Variants in BCKDHB observed in about 807,000 individuals in gnomAD.
BCKDHB encodes the protein 2-oxoisovalerate dehydrogenase subunit beta, mitochondrial.
BCKDHB carries 41 observed loss-of-function variants against 48.5 expected under a neutral mutation model. The observed-to-expected ratio is 0.85, with a 90% confidence interval of 0.66 to 1.10. The LOEUF (loss-of-function observed/expected upper bound fraction) is 1.10. BCKDHB is among the 50% of genes least tolerant of loss of function. BCKDHB has a pLI of 0.00. For missense variants in BCKDHB, 496 were observed against 494.2 expected, an observed-to-expected ratio of 1.00 and a Z score of -0.03; for synonymous variants, 201 against 174.8, an observed-to-expected ratio of 1.15 and a Z score of -1.18.
At chr6:80,215,954 A>G (rs1775153109) in intron 8 of BCKDHB, among the ~76,000 whole-genome samples, 1 of 152,042 alleles carries the variant, frequency 6.6e-6, no homozygotes, top group African/African-American at 2.4e-5. Context: ...GTTGGCCAGG[A>G]TGGTCTTGAT....
the BCKDHB span, among the ~76,000 whole-genome samples, chr6:80,413,804 G>T: frequency 6.6e-6 from 1 of 152,186 alleles, no homozygotes; most frequent in Non-Finnish European, 1.5e-5. Flanking sequence ...TATTCCTTGA[G>T]AGTATATACC....
chr6:80,163,064 A>G (rs1344886148), intron 3 of BCKDHB, among the ~76,000 whole-genome samples: 1 of 151,902 alleles, frequency 6.6e-6, no homozygotes, highest in Non-Finnish European at 1.5e-5. Flanking sequence ...CTGGGACTAC[A>G]GGCACGTGCC....
chr6:80,273,253 T>C, intron 9 of BCKDHB, 32 bp downstream of exon 9: 2 of 1,529,384 alleles, frequency 1.3e-6, no homozygotes, highest in Non-Finnish European at 1.8e-6. Flanking sequence ...ATTTCAATGC[T>C]TGTGCAATTC....
chr6:80,213,283 A>T (rs1484285647), intron 8 of BCKDHB, among the ~76,000 whole-genome samples: 1 of 152,156 alleles, frequency 6.6e-6, no homozygotes, highest in East Asian at 1.9e-4. Flanking sequence ...GACTTTTCTT[A>T]ATGGTTGTCT....
At chr6:80,204,017 G>A (rs1222942345) in intron 8 of BCKDHB, among the ~76,000 whole-genome samples, 3 of 152,014 alleles carry the variant, frequency 2.0e-5, no homozygotes, top group South Asian at 2.1e-4. Context: ...ATATATGTAC[G>A]ATTAATAGAT....
At chr6:80,321,704 T>C (rs1199053835) in intron 9 of BCKDHB, among the ~76,000 whole-genome samples, 2 of 152,242 alleles carry the variant, frequency 1.3e-5, no homozygotes, top group African/African-American at 2.4e-5. Flanking sequence ...GTTTTAAGTG[T>C]ATCCCAACTA....
the BCKDHB span, among the ~76,000 whole-genome samples, chr6:80,364,551 A>T: frequency 6.6e-6 from 1 of 152,214 alleles, no homozygotes; most frequent in Non-Finnish European, 1.5e-5. Context: ...AAACGTATTC[A>T]TTAGTCTATT....
the BCKDHB span, among the ~76,000 whole-genome samples, chr6:80,388,804 G>A: frequency 6.6e-6 from 1 of 152,162 alleles, no homozygotes; most frequent in South Asian, 2.1e-4. Context: ...AGCTGAAAGT[G>A]GACAGCTGCA....
intron 3 of BCKDHB, among the ~76,000 whole-genome samples, chr6:80,146,280 A>G (rs1012870045): frequency 1.1e-4 from 17 of 152,196 alleles, no homozygotes; most frequent in African/African-American, 3.9e-4. Context: ...GCAAAATTAC[A>G]TGGAAGTAAA....
intron 8 of BCKDHB, among the ~76,000 whole-genome samples, chr6:80,269,973 G>A (rs1222137507): frequency 1.3e-5 from 2 of 152,022 alleles, no homozygotes; most frequent in Admixed American, 6.6e-5. Flanking sequence ...ACAAAAATAT[G>A]TACTTTAATC....
chr6:80,452,073 C>G, the BCKDHB span, among the ~76,000 whole-genome samples: 1 of 152,188 alleles, frequency 6.6e-6, no homozygotes, highest in African/African-American at 2.4e-5. Flanking sequence ...TTCTTCTGAA[C>G]CCCAGGTTGC....
At chr6:80,341,263 A>G (rs1391429659) in intron 9 of BCKDHB, among the ~76,000 whole-genome samples, 2 of 152,230 alleles carry the variant, frequency 1.3e-5, no homozygotes, top group African/African-American at 4.8e-5. Flanking sequence ...AAAATCACAA[A>G]TTTATGTAAC....
intron 8 of BCKDHB, among the ~76,000 whole-genome samples, chr6:80,221,914 G>A (rs1279053828): frequency 6.6e-6 from 1 of 152,100 alleles, no homozygotes; most frequent in Non-Finnish European, 1.5e-5. Flanking sequence ...TCCTAAAACA[G>A]TGTATCCTTC....
At chr6:80,348,185 A>T (rs990678554), downstream of BCKDHB, among the ~76,000 whole-genome samples, 2 of 151,874 alleles carry the variant, frequency 1.3e-5, no homozygotes, top group Admixed American at 6.6e-5. Flanking sequence ...ACAAGGTGTT[A>T]TATAGCTAAC....
intron 8 of BCKDHB, among the ~76,000 whole-genome samples, chr6:80,260,138 C>T (rs537189797): frequency 4.6e-5 from 7 of 152,182 alleles, no homozygotes; most frequent in South Asian, 2.1e-4. Context: ...CCACTCTCAC[C>T]GCTAGTTGCC....
chr6:80,254,352 G>A (rs147712203), intron 8 of BCKDHB, among the ~76,000 whole-genome samples: 1,908 of 152,120 alleles, frequency 0.013, 34 homozygotes, highest in African/African-American at 0.044. Flanking sequence ...TATGAAGTGT[G>A]ATTGTAATGT....
chr6:80,171,698 G>A (rs998272985), intron 6 of BCKDHB, among the ~76,000 whole-genome samples: 1 of 152,072 alleles, frequency 6.6e-6, no homozygotes, highest in African/African-American at 2.4e-5. Flanking sequence ...AAGTAAATGA[G>A]CTCATTTTAC....
chr6:80,187,648 G>A (rs1343045968), intron 6 of BCKDHB, among the ~76,000 whole-genome samples: 1 of 151,906 alleles, frequency 6.6e-6, no homozygotes, highest in Non-Finnish European at 1.5e-5. Context: ...ACAACCCCAA[G>A]CAAAAAAGTG....
chr6:80,259,666 A>C (rs1777208033), intron 8 of BCKDHB, among the ~76,000 whole-genome samples: 1 of 152,222 alleles, frequency 6.6e-6, no homozygotes, highest in Non-Finnish European at 1.5e-5. Context: ...TGATACCCTA[A>C]CATGTTTCTT....
Sources: allele counts gnomAD v4.1 joint callset (sites outside exome capture counted in the v4.1 genomes callset), GRCh38; gene constraint gnomAD v4.1.1; transcripts MANE v1.5; gene names NCBI Gene and HGNC (gene_info 2026-07-23, HGNC 2026-07-21).